Variants in SEC23B observed in about 807,000 individuals in gnomAD.
SEC23B encodes protein transport protein Sec23B.
In SEC23B, 77 loss-of-function variants were observed where a neutral mutation model predicts 104.3. The ratio of observed to expected loss-of-function variants is 0.74; its 90% CI spans 0.61 to 0.89. SEC23B has a LOEUF of 0.89. Among genes scored for constraint, SEC23B ranks in the 40% least tolerant of loss-of-function variants. The pLI is 0.00. For synonymous variants in SEC23B, 338 were observed against 332.5 expected, an observed-to-expected ratio of 1.02 and a Z score of -0.18; for missense variants, 885 against 949.4, an observed-to-expected ratio of 0.93 and a Z score of 0.89.
intron 3 of SEC23B, among the ~76,000 whole-genome samples, chr20:18,513,092 G>C (rs894775623): frequency 1.3e-4 from 20 of 152,172 alleles, no homozygotes; most frequent in Admixed American, 1.3e-3. Flanking sequence ...GCTGAGGCAG[G>C]TGAATCGCTT....
chr20:18,554,295 C>G lies in SEC23B; in HGVS notation c.2053C>G (p.His685Asp). The part of the protein sequence containing the change: ...QDMPEYENFK[H>D]LLQAPLDDAQ... The stretch of plus-strand genomic sequence containing the variant: ...CATGCCCGAGTATGAAAACTTCAAG[C>G]ACCTTCTGCAGGCACCACTGGATGA... Residue 685 changes from histidine (H) to aspartate (D), a missense_variant, in exon 18 of 20, where the codon CAC (histidine) becomes GAC (aspartate). Transcript: ENST00000650089. 2 of 1,614,166 alleles carry G rather than the reference C, an allele frequency of 1.2e-6. No homozygotes were observed. Among genetic ancestry groups the G allele is most frequent in the South Asian group, 2.2e-5 (2 of 91,084 alleles).
At chr20:18,534,501 T>C (rs1237440272) in intron 11 of SEC23B, among the ~76,000 whole-genome samples, 1 of 152,248 alleles carries the variant, frequency 6.6e-6, no homozygotes, top group Non-Finnish European at 1.5e-5. Flanking sequence ...AGAGGCACTA[T>C]GTCTGCTGTC....
Position 18,526,384 on chromosome 20 carries a change from A to C in SEC23B, c.846A>C (p.Pro282=). The stretch of plus-strand genomic sequence containing the variant: ...ATTCGCTATTTTAGGGCACTTTTCC[A>C]AACACAGGAGCCAGGATCATGCTGT... The part of the protein sequence containing the change: ...IAVGLLEGTF[P]NTGARIMLFT... The change falls in exon 8 of 20, where the codon CCA becomes CCC. Residue 282 remains proline, a synonymous_variant. Transcript: ENST00000650089. 1 of 1,614,110 alleles carries C rather than the reference A, an allele frequency of 6.2e-7. No homozygotes were observed.
At chr20:18,510,158 A>T (rs187575757) in intron 1 of SEC23B, among the ~76,000 whole-genome samples, 48 of 152,298 alleles carry the variant, frequency 3.2e-4, no homozygotes, top group Non-Finnish European at 4.4e-4. Context: ...GAGATTAGAG[A>T]GGAAGATAGT....
intron 9 of SEC23B, 83 bp downstream of exon 9, chr20:18,527,694 C>G: frequency 1.1e-6 from 1 of 913,614 alleles, no homozygotes; most frequent in Non-Finnish European, 1.8e-6. Flanking sequence ...TAGGAATGGG[C>G]AAGGCCAACT....
At chr20:18,510,099 GAAAA>G (rs199991938) in intron 1 of SEC23B, among the ~76,000 whole-genome samples, 2 of 150,784 alleles carry the variant, frequency 1.3e-5, no homozygotes, top group Non-Finnish European at 3.0e-5. Context: ...CCCCGCTACT[GAAAA>G]AAAAATCACT....
intron 4 of SEC23B, among the ~76,000 whole-genome samples, chr20:18,520,386 G>A (rs1324200237): frequency 6.2e-5 from 9 of 144,062 alleles, no homozygotes; most frequent in African/African-American, 2.3e-4. Context: ...TAATGGGATA[G>A]TAATGGGCGT....
chr20:18,548,824 C>CT, intron 16 of SEC23B, 54 bp downstream of exon 16: 1 of 1,567,620 alleles, frequency 6.4e-7, no homozygotes, highest in Non-Finnish European at 8.8e-7. Flanking sequence ...AACATATATT[C>CT]TTTTTTAAGC....
intron 3 of SEC23B, 64 bp from the exon 4 acceptor site, chr20:18,515,586 C>T (rs1385081897): frequency 2.1e-6 from 2 of 948,518 alleles, no homozygotes; most frequent in Admixed American, 3.5e-5. Flanking sequence ...CATTTTTACA[C>T]ATGGAAAATA....
intron 4 of SEC23B, among the ~76,000 whole-genome samples, chr20:18,517,824 GA>G (rs1173114467): frequency 6.6e-6 from 1 of 152,166 alleles, no homozygotes; most frequent in Non-Finnish European, 1.5e-5. Flanking sequence ...TATGAATTGA[GA>G]AACTAAATGA....
At position 18,524,646 on chromosome 20, in the gene SEC23B, G is replaced by A; in HGVS notation, c.580G>A (p.Asp194Asn). 1 of 1,613,900 alleles carries A rather than the reference G, an allele frequency of 6.2e-7. No homozygotes were observed. Among genetic ancestry groups the A allele is most frequent in the African/African-American group, 1.3e-5 (1 of 75,056 alleles). Residue 194 changes from aspartate to asparagine, a missense_variant, in exon 5 of 20, where the codon GAT (aspartate) becomes AAT (asparagine). Physicochemically the swap from Asp to Asn is conservative, Grantham distance 23. Coordinates refer to ENST00000650089, the MANE Select transcript of SEC23B (RefSeq NM_006363.6). ...SKSYVFRGTK[D>N]LTAKQIQDML... ...AAGTTATGTCTTCCGAGGGACCAAGGATTTAACTGCAAAGCAAATACAGGT... is the reference window on the plus strand; with the variant it reads ...AAGTTATGTCTTCCGAGGGACCAAGAATTTAACTGCAAAGCAAATACAGGT...
chr20:18,550,064 C>A (rs2060372323), intron 16 of SEC23B, among the ~76,000 whole-genome samples: 1 of 146,458 alleles, frequency 6.8e-6, no homozygotes, highest in Admixed American at 6.8e-5. Flanking sequence ...TATATAAGAA[C>A]TATGTATATA....
chr20:18,541,572 A>T (rs2060288214), intron 12 of SEC23B, among the ~76,000 whole-genome samples: 3 of 152,236 alleles, frequency 2.0e-5, no homozygotes, highest in African/African-American at 7.2e-5. Context: ...TATCTCAGGA[A>T]ATAGGGGAGG....
At chr20:18,515,615 T>C (rs377234730) in intron 3 of SEC23B, 35 bp from the exon 4 acceptor site, 223 of 1,238,398 alleles carry the variant, frequency 1.8e-4, no homozygotes, top group Middle Eastern at 3.7e-4. Context: ...AATATAGTTA[T>C]GCCAACCCTA....
At chr20:18,550,227 T>C (rs1306788540) in intron 16 of SEC23B, among the ~76,000 whole-genome samples, 2 of 151,936 alleles carry the variant, frequency 1.3e-5, no homozygotes, top group Non-Finnish European at 2.9e-5. Flanking sequence ...CGATCTTGGC[T>C]CACTGCAACC....
chr20:18,531,004 C>A (rs553339901), intron 10 of SEC23B, among the ~76,000 whole-genome samples: 1 of 152,252 alleles, frequency 6.6e-6, no homozygotes, highest in South Asian at 2.1e-4. Context: ...ATCCAGACTT[C>A]TGGCAACCTC....
At chr20:18,555,270 C>T in intron 19 of SEC23B, 97 bp downstream of exon 19, 2 of 996,756 alleles carry the variant, frequency 2.0e-6, no homozygotes, top group Admixed American at 1.9e-5. Context: ...GGCCTGGAGA[C>T]AGAATAACTG....
intron 12 of SEC23B, among the ~76,000 whole-genome samples, chr20:18,538,269 A>G (rs1437951513): frequency 3.2e-5 from 2 of 63,008 alleles, no homozygotes; most frequent in African/African-American, 5.5e-5. Flanking sequence ...TTTTTTTTTG[A>G]GACGGGGTCT....
chr20:18,545,655 G>A (rs1021562028), intron 14 of SEC23B, among the ~76,000 whole-genome samples: 3 of 152,172 alleles, frequency 2.0e-5, no homozygotes, highest in Non-Finnish European at 4.4e-5. Flanking sequence ...ATATGGAACA[G>A]GTGCCTGGAA....
Sources: gnomAD v4.1 joint callset for allele counts (sites outside exome capture counted in the v4.1 genomes callset) on GRCh38, gnomAD v4.1.1 for gene constraint, MANE v1.5 for transcripts, NCBI Gene and HGNC (gene_info 2026-07-23, HGNC 2026-07-21) for gene names.